Variants in PLD1 observed in about 807,000 individuals in gnomAD.
The protein encoded by PLD1 is choline phosphatase 1.
In PLD1, 112 loss-of-function variants were observed where a neutral mutation model predicts 137.1. The ratio of observed to expected loss-of-function variants is 0.82; its 90% confidence interval spans 0.70 to 0.96. The LOEUF is 0.96. PLD1 is among the 40% of genes least tolerant of loss of function. The pLI, the probability that PLD1 is intolerant of heterozygous loss-of-function variation, is 0.00. For synonymous variants in PLD1, 431 were observed against 454.7 expected (o/e 0.95, Z 0.66); for missense variants, 1,321 against 1,342.0 (o/e 0.98, Z 0.24).
chr3:171,694,821 G>A (rs1221648982), intron 12 of PLD1, among the ~76,000 whole-genome samples: 1 of 152,006 alleles, frequency 6.6e-6, no homozygotes, highest in East Asian at 1.9e-4. Context: ...TAACACTAAT[G>A]GAATACATTA....
At chr3:171,794,505 A>G (rs1428791195) in intron 1 of PLD1, among the ~76,000 whole-genome samples, 2 of 152,186 alleles carry the variant, frequency 1.3e-5, no homozygotes, top group Non-Finnish European at 2.9e-5. Context: ...ATAACTTGAT[A>G]CTGGCCATGA....
chr3:171,752,222 T>C (rs1156862788), intron 1 of PLD1, among the ~76,000 whole-genome samples: 1 of 152,230 alleles, frequency 6.6e-6, no homozygotes, highest in Non-Finnish European at 1.5e-5. Flanking sequence ...ACAATCCTGT[T>C]AGGTTGTCTA....
At chr3:171,627,726 A>T (rs1322500920) in intron 23 of PLD1, among the ~76,000 whole-genome samples, 3 of 152,264 alleles carry the variant, frequency 2.0e-5, no homozygotes, top group Non-Finnish European at 4.4e-5. Flanking sequence ...CTGCTCAACT[A>T]CATGGAAACT....
At chr3:171,782,162 G>A (rs1445730118) in intron 1 of PLD1, among the ~76,000 whole-genome samples, 6 of 152,158 alleles carry the variant, frequency 3.9e-5, no homozygotes, top group Non-Finnish European at 8.8e-5. Context: ...ATTCAATTTT[G>A]TTAATCTTCT....
chr3:171,660,120 A>T (rs544397000), intron 20 of PLD1, among the ~76,000 whole-genome samples: 213 of 152,366 alleles, frequency 1.4e-3, no homozygotes, highest in African/African-American at 5.0e-3. Flanking sequence ...CAATTATCAC[A>T]AAGTAATATT....
chr3:171,804,955 G>C (rs544489956), intron 1 of PLD1, among the ~76,000 whole-genome samples: 3 of 152,142 alleles, frequency 2.0e-5, no homozygotes, highest in African/African-American at 7.2e-5. Flanking sequence ...CCCTTTCTAC[G>C]GCTTTCCTTT....
chr3:171,627,909 G>T (rs1039837685), intron 23 of PLD1, among the ~76,000 whole-genome samples: 7 of 151,854 alleles, frequency 4.6e-5, no homozygotes, highest in African/African-American at 1.7e-4. Flanking sequence ...GAGAAAGCAG[G>T]AAAGATCCAA....
intron 1 of PLD1, among the ~76,000 whole-genome samples, chr3:171,762,876 A>C (rs1721503741): frequency 6.6e-6 from 1 of 152,186 alleles, no homozygotes; most frequent in East Asian, 1.9e-4. Flanking sequence ...TTTCAGTTTA[A>C]CATGTGTGAG....
intron 1 of PLD1, among the ~76,000 whole-genome samples, chr3:171,790,715 C>T (rs564175367): frequency 3.3e-4 from 50 of 152,176 alleles, no homozygotes; most frequent in African/African-American, 1.1e-3. Context: ...TGTTGAGAGC[C>T]CCAGCAGCCA....
intron 1 of PLD1, among the ~76,000 whole-genome samples, chr3:171,781,611 C>T (rs1450256382): frequency 6.6e-6 from 1 of 152,140 alleles, no homozygotes; most frequent in African/African-American, 2.4e-5. Context: ...AAGACAGACT[C>T]GTGATCACTA....
chr3:171,808,241 A>C (rs1223384398), intron 1 of PLD1, among the ~76,000 whole-genome samples: 2 of 149,312 alleles, frequency 1.3e-5, no homozygotes, highest in African/African-American at 4.9e-5. Context: ...CAAATTATTA[A>C]AAAAAAAAAA....
chr3:171,773,813 G>A (rs1156354004), intron 1 of PLD1, among the ~76,000 whole-genome samples: 1 of 151,884 alleles, frequency 6.6e-6, no homozygotes, highest in African/African-American at 2.4e-5. Flanking sequence ...CAGTGGCGCT[G>A]TCTCGGCTCA....
chr3:171,737,096 T>A (rs1719419540), intron 3 of PLD1, among the ~76,000 whole-genome samples: 2 of 152,244 alleles, frequency 1.3e-5, no homozygotes, highest in Admixed American at 1.3e-4. Context: ...CCGGCTTTTT[T>A]TCTTAAGAGC....
chr3:171,787,838 G>GT (rs36010901), intron 1 of PLD1, among the ~76,000 whole-genome samples: 12 of 149,134 alleles, frequency 8.0e-5, no homozygotes, highest in African/African-American at 2.2e-4. Context: ...AACCAACTTG[G>GT]TTTTTTTTAA....
At chr3:171,756,880 T>TTG (rs1290147311) in intron 1 of PLD1, among the ~76,000 whole-genome samples, 1 of 152,196 alleles carries the variant, frequency 6.6e-6, no homozygotes, top group African/African-American at 2.4e-5. Flanking sequence ...AAATCTTGAA[T>TTG]TGTTCACTTT....
At chr3:171,776,327 C>T (rs1722590393) in intron 1 of PLD1, among the ~76,000 whole-genome samples, 1 of 152,198 alleles carries the variant, frequency 6.6e-6, no homozygotes, top group Admixed American at 6.5e-5. Flanking sequence ...AAGAGGTGGG[C>T]ACAGTGGGTG....
chr3:171,717,734 A>G (rs1057117532), intron 8 of PLD1, among the ~76,000 whole-genome samples: 2 of 152,068 alleles, frequency 1.3e-5, no homozygotes, highest in African/African-American at 2.4e-5. Flanking sequence ...CTCTTGCCTC[A>G]TTGCTCTGGC....
At chr3:171,674,915 G>A (rs954611820) in intron 18 of PLD1, among the ~76,000 whole-genome samples, 5 of 138,416 alleles carry the variant, frequency 3.6e-5, no homozygotes, top group Non-Finnish European at 7.6e-5. Context: ...GGAGGCAGAG[G>A]TTGCAGTGAG....
At chr3:171,723,579 A>G (rs1487131646) in intron 8 of PLD1, among the ~76,000 whole-genome samples, 1 of 152,134 alleles carries the variant, frequency 6.6e-6, no homozygotes, top group Non-Finnish European at 1.5e-5. Context: ...ACTAATTTAC[A>G]TTCCCATCAA....
Sources: allele counts gnomAD v4.1 joint callset (sites outside exome capture counted in the v4.1 genomes callset), GRCh38; gene constraint gnomAD v4.1.1; transcripts MANE v1.5; gene names NCBI Gene and HGNC (gene_info 2026-07-23, HGNC 2026-07-21).